Variants in GSE1 observed in about 807,000 individuals in gnomAD.
GSE1 encodes genetic suppressor element 1.
GSE1 carries 32 observed loss-of-function variants against 112.6 expected under a neutral mutation model. That is an observed-to-expected ratio of 0.28 (90% CI 0.21 to 0.38). GSE1 has a LOEUF of 0.38. GSE1 is among the 10% of genes least tolerant of loss of function. The pLI is 1.00. For missense variants in GSE1, 2,348 were observed against 1,699.2 expected, an observed-to-expected ratio of 1.38 and a Z score of -6.71; for synonymous variants, 1,115 against 735.6, an observed-to-expected ratio of 1.52 and a Z score of -8.35.
chr16:85,371,718 G>T (rs892510440), intron 2 of GSE1, among the ~76,000 whole-genome samples: 2 of 152,196 alleles, frequency 1.3e-5, no homozygotes, highest in African/African-American at 4.8e-5. Context: ...TGAGCTCAGG[G>T]TGCCTCCCAT....
rs1329874397 is a variant in GSE1, at chr16:85,305,052, G to A, written c.2284-52411G>A. ...CAGCCCAGCTCAACTCCTTATGAGA[G>A]GCCCTCCCATTCCCCTAGGGCACAT... On this transcript the variant is annotated intron_variant, in intron 1 of 2. Coordinates refer to the GSE1 transcript ENST00000637419. Among the ~76,000 whole-genome samples, 3 of 152,192 alleles carry A rather than the reference G, an allele frequency of 2.0e-5. No individual in the cohort carries two copies. The East Asian group carries it at 5.8e-4, about 29-fold the overall frequency.
chr16:85,335,683 C>T (rs986694623), intron 1 of GSE1, among the ~76,000 whole-genome samples: 3 of 152,194 alleles, frequency 2.0e-5, no homozygotes, highest in African/African-American at 4.8e-5. Context: ...ACAGTGACAG[C>T]AGCAATAACA....
intron 1 of GSE1, among the ~76,000 whole-genome samples, chr16:85,175,698 G>A (rs1057095906): frequency 5.9e-5 from 9 of 152,220 alleles, no homozygotes; most frequent in African/African-American, 2.2e-4. Context: ...CAGCCAGGAT[G>A]TTGGGGGCGG....
chr16:85,655,851 C>A lies in GSE1; in HGVS notation c.923C>A (p.Pro308His). The A allele has an allele frequency of 1.2e-6, 2 of 1,610,020 alleles. No homozygotes were observed. Among genetic ancestry groups the A allele is most frequent in the East Asian group, 4.5e-5 (2 of 44,874 alleles). The change falls in exon 6 of 16, where the codon CCC becomes CAC. Residue 308 changes from proline to histidine, a missense_variant. Physicochemically the swap from Pro to His is moderately conservative, Grantham distance 77. Coordinates refer to ENST00000253458, the MANE Select transcript of GSE1 (RefSeq NM_014615.5). ...HLHLSGVRYP[P>H]ELSHSSLAAL... is the part of the protein sequence containing the mutation. ...CACCTCTCTGGGGTCCGCTACCCTCCCGAGCTCTCCCACTCATCCCTGGCA... is the reference window on the plus strand; with the variant it reads ...CACCTCTCTGGGGTCCGCTACCCTCACGAGCTCTCCCACTCATCCCTGGCA...
chr16:85,501,659 G>A (rs996008563), intron 2 of GSE1, among the ~76,000 whole-genome samples: 3 of 152,148 alleles, frequency 2.0e-5, no homozygotes, highest in Non-Finnish European at 2.9e-5. Flanking sequence ...CTCCCAAAGC[G>A]CTAGGATTAC....
chr16:85,611,116 C>T (rs1474301754), upstream of GSE1, among the ~76,000 whole-genome samples: 1 of 152,236 alleles, frequency 6.6e-6, no homozygotes, highest in African/African-American at 2.4e-5. Context: ...TCTACCCGGC[C>T]AGGTGCGAGA....
chr16:85,296,796 G>A (rs1316016394), intron 1 of GSE1, among the ~76,000 whole-genome samples: 1 of 151,634 alleles, frequency 6.6e-6, no homozygotes, highest in East Asian at 1.9e-4. Context: ...ACCCTGGGAG[G>A]AAGGGACTGT....
At chr16:85,420,903 G>A (rs943752852) in intron 2 of GSE1, among the ~76,000 whole-genome samples, 2 of 152,130 alleles carry the variant, frequency 1.3e-5, no homozygotes, top group Non-Finnish European at 2.9e-5. Context: ...GGCGATGGCG[G>A]CTTCACCCGC....
chr16:85,180,695 G>C (rs537383209), intron 1 of GSE1, among the ~76,000 whole-genome samples: 2 of 152,104 alleles, frequency 1.3e-5, no homozygotes, highest in Non-Finnish European at 2.9e-5. Flanking sequence ...GCCGGGATCC[G>C]CACCCAGGCT....
chr16:85,275,609 C>T (rs1416920062), intron 1 of GSE1, among the ~76,000 whole-genome samples: 1 of 152,228 alleles, frequency 6.6e-6, no homozygotes, highest in Admixed American at 6.5e-5. Context: ...GGGCCACCCC[C>T]AGGGTCCTTG....
At chr16:85,613,248 G>T (rs996957460), upstream of GSE1, 6 of 1,522,030 alleles carry the variant, frequency 3.9e-6, no homozygotes, top group African/African-American at 8.6e-5. Flanking sequence ...GTGTTTCTTG[G>T]CCGGGGCCCC....
At chr16:85,186,211 C>A (rs1048723976) in intron 1 of GSE1, among the ~76,000 whole-genome samples, 2 of 152,180 alleles carry the variant, frequency 1.3e-5, no homozygotes, top group Admixed American at 1.3e-4. Context: ...TGGCTCACGT[C>A]TGTAATCCCG....
intron 2 of GSE1, among the ~76,000 whole-genome samples, chr16:85,420,455 C>G (rs1045979876): frequency 6.6e-6 from 1 of 152,112 alleles, no homozygotes; most frequent in African/African-American, 2.4e-5. Flanking sequence ...TCCTCCCTCC[C>G]CATCGCCATG....
intron 2 of GSE1, among the ~76,000 whole-genome samples, chr16:85,539,088 C>T (rs2044431296): frequency 1.3e-5 from 2 of 152,254 alleles, no homozygotes; most frequent in Admixed American, 6.5e-5. Context: ...CAGCTTTGCC[C>T]ACTCCTGTAA....
intron 2 of GSE1, among the ~76,000 whole-genome samples, chr16:85,459,830 C>T (rs1389749080): frequency 6.6e-6 from 1 of 152,230 alleles, no homozygotes; most frequent in Non-Finnish European, 1.5e-5. Context: ...CAAGGCTGAA[C>T]AGGCATTCAC....
chr16:85,639,881 C>G (rs944553606), intron 2 of GSE1, among the ~76,000 whole-genome samples: 2 of 152,192 alleles, frequency 1.3e-5, no homozygotes, highest in African/African-American at 4.8e-5. Flanking sequence ...CCAAGGCGGC[C>G]GGGGGCGGAG....
chr16:85,257,470 T>C (rs1258796180), intron 1 of GSE1, among the ~76,000 whole-genome samples: 1 of 152,224 alleles, frequency 6.6e-6, no homozygotes, highest in African/African-American at 2.4e-5. Flanking sequence ...TTTATCCAAC[T>C]TCAAGCCGGA....
At chr16:85,326,995 C>T (rs2046240260) in intron 1 of GSE1, among the ~76,000 whole-genome samples, 1 of 152,230 alleles carries the variant, frequency 6.6e-6, no homozygotes, top group Non-Finnish European at 1.5e-5. Context: ...GGTCCTGCCC[C>T]ACAGGGCACC....
intron 1 of GSE1, among the ~76,000 whole-genome samples, chr16:85,623,137 C>G (rs2048844117): frequency 6.6e-6 from 1 of 151,902 alleles, no homozygotes; most frequent in Non-Finnish European, 1.5e-5. Context: ...CCCATTGATT[C>G]TCGTTTAAAC....
Sources: gnomAD v4.1 joint callset for allele counts (sites outside exome capture counted in the v4.1 genomes callset) on GRCh38, gnomAD v4.1.1 for gene constraint, MANE v1.5 for transcripts, NCBI Gene and HGNC (gene_info 2026-07-23, HGNC 2026-07-21) for gene names.